TGDS: variants seen among roughly 807,000 people sequenced by gnomAD.
TGDS encodes the protein UDP-D-glucose 4,6-dehydratase.
TGDS carries 47 observed loss-of-function variants against 52.3 expected under a neutral mutation model. The observed-to-expected ratio is 0.90, with a 90% confidence interval of 0.71 to 1.15. TGDS has a LOEUF of 1.15. TGDS is among the 50% of genes most tolerant of loss of function. The probability of loss-of-function intolerance (pLI) is 0.00; values close to 1 mark genes in which losing one functional copy is unlikely to be tolerated. For missense variants in TGDS, 375 were observed against 418.4 expected (o/e 0.90, Z 0.90); for synonymous variants, 115 against 136.9 (o/e 0.84, Z 1.12).
At chr13:94,592,340 A>G (rs753650875) in intron 2 of TGDS, 31 bp from the exon 3 acceptor site, 1 of 1,533,436 alleles carries the variant, frequency 6.5e-7, no homozygotes. Context: ...AAGGGGCAAC[A>G]CAAAAAGTGA....
chr13:94,574,063 ATTT>A lies in TGDS; in HGVS notation c.*716_*718del, dbSNP rs891276192. 6.6e-6 allele frequency: 1 copy of A among 151,724 alleles called. No individual in the cohort carries two copies. The highest frequency in any genetic ancestry group is 1.5e-5 in the Non-Finnish European group (1 of 67,886). 9.4% of individuals were successfully genotyped at this position (151,724 alleles called of 1,614,324 possible). Reference sequence around the variant, plus strand: ...AGAAGGATTAAAAATATATAATCAAATTTTTTTTTATTTTTCTACAGCAAAATA... The same window carrying A: ...AGAAGGATTAAAAATATATAATCAAATTTTTTATTTTTCTACAGCAAAATA... On this transcript the variant is annotated 3_prime_UTR_variant, in exon 12 of 12. Coordinates refer to ENST00000261296, the MANE Select transcript of TGDS (RefSeq NM_014305.4).
At chr13:94,583,461 T>C (rs754763282) in intron 4 of TGDS, among the ~76,000 whole-genome samples, 6 of 152,224 alleles carry the variant, frequency 3.9e-5, no homozygotes, top group Non-Finnish European at 7.3e-5. Flanking sequence ...ATGTTAAATT[T>C]GCAGGAAAGT....
intron 1 of TGDS, 133 bp downstream of exon 1, chr13:94,595,918 G>C: frequency 3.1e-6 from 3 of 958,922 alleles, no homozygotes; most frequent in Non-Finnish European, 4.9e-6. Context: ...TCCAGGTCGT[G>C]CATTAGGACC....
At chr13:94,583,465 G>A (rs1594446340) in intron 4 of TGDS, among the ~76,000 whole-genome samples, 1 of 151,894 alleles carries the variant, frequency 6.6e-6, no homozygotes. Context: ...TAAATTTGCA[G>A]GAAAGTTTTT....
rs1889182532 is a variant in TGDS at position 94,591,000 on chromosome 13, A to T, written c.223-57T>A. 3.9e-6 allele frequency: 5 copies of T among 1,288,876 alleles called. No homozygotes were observed. In the South Asian group the frequency reaches 7.1e-5, roughly 18 times the overall value. 79.8% of individuals were successfully genotyped at this position (1,288,876 alleles called of 1,614,324 possible). ...GGTTTCATACAGCACTCTCATTCATAACCATTTTTACTATAGCATCCCCCT... is the reference window on the plus strand; with the variant it reads ...GGTTTCATACAGCACTCTCATTCATTACCATTTTTACTATAGCATCCCCCT... On this transcript the variant is annotated intron_variant, in intron 3 of 11. Coordinates refer to ENST00000261296, the MANE Select transcript of TGDS (RefSeq NM_014305.4).
chr13:94,583,263 A>C (rs1175670364), intron 4 of TGDS, 27 bp from the exon 5 acceptor site: 5 of 1,606,928 alleles, frequency 3.1e-6, no homozygotes, highest in Non-Finnish European at 3.4e-6. Context: ...AAAAGCTAAA[A>C]CAAGTCTACC....
chr13:94,594,503 A>C (rs1201073779), intron 1 of TGDS, among the ~76,000 whole-genome samples: 1 of 152,110 alleles, frequency 6.6e-6, no homozygotes, highest in African/African-American at 2.4e-5. Context: ...GCTTCAGAGG[A>C]CCCTAAAGGG....
intron 8 of TGDS, 90 bp downstream of exon 8, chr13:94,578,639 GC>G: frequency 8.5e-6 from 8 of 936,066 alleles, no homozygotes; most frequent in Non-Finnish European, 1.3e-5. Context: ...CAATTCTATG[GC>G]CTTTAAGACT....
intron 4 of TGDS, among the ~76,000 whole-genome samples, chr13:94,588,421 CAAAAAAAAAAAAAAAAA>C (rs150186125): frequency 6.8e-5 from 4 of 58,494 alleles, no homozygotes; most frequent in Non-Finnish European, 8.8e-5. Context: ...GACTCTGTCT[CAAAAAAAAAAAAAAAAA>C]AAAAAAAAAA....
chr13:94,574,654 A>T lies in TGDS; in HGVS notation c.*128T>A. 1.7e-6 allele frequency: 1 copy of T among 591,206 alleles called. No homozygotes were observed. Among genetic ancestry groups the T allele is most frequent in the South Asian group, 2.4e-5 (1 of 42,550 alleles). 36.6% of individuals were successfully genotyped at this position (591,206 alleles called of 1,614,324 possible). ...TTGAGGCATTCTGCATTTGAATTTTATACAGAAAGTCATGAATCTAATTCC... is the reference window on the plus strand; with the variant it reads ...TTGAGGCATTCTGCATTTGAATTTTTTACAGAAAGTCATGAATCTAATTCC... On this transcript the variant is annotated 3_prime_UTR_variant, in exon 12 of 12. Coordinates refer to ENST00000261296, the MANE Select transcript of TGDS (RefSeq NM_014305.4).
chr13:94,576,226 C>T, intron 11 of TGDS, 88 bp downstream of exon 11: 1 of 821,698 alleles, frequency 1.2e-6, no homozygotes, highest in Non-Finnish European at 1.8e-6. Flanking sequence ...ACACAATATT[C>T]CACTGGTTTG....
intron 4 of TGDS, among the ~76,000 whole-genome samples, chr13:94,589,610 G>A (rs996348765): frequency 2.0e-5 from 3 of 152,010 alleles, no homozygotes; most frequent in Non-Finnish European, 2.9e-5. Flanking sequence ...CACCGCTCCC[G>A]GCCAAAATGG....
At chr13:94,595,964 AC>A in intron 1 of TGDS, 86 bp downstream of exon 1, 1 of 1,513,982 alleles carries the variant, frequency 6.6e-7, no homozygotes. Context: ...TCAAAGCTGG[AC>A]CCAAATTACC....
intron 9 of TGDS, 143 bp from the exon 10 acceptor site, chr13:94,577,572 T>C (rs1888643647): frequency 1.6e-6 from 1 of 621,604 alleles, no homozygotes; most frequent in Admixed American, 3.3e-5. Context: ...AGTAACACTT[T>C]CTATACTTTA....
At chr13:94,580,170 T>C (rs778028173) in intron 6 of TGDS, among the ~76,000 whole-genome samples, 1 of 152,196 alleles carries the variant, frequency 6.6e-6, no homozygotes, top group African/African-American at 2.4e-5. Context: ...AAGAGGAATA[T>C]TCTTTTATTA....
In TGDS at chr13:94,583,124, T is replaced by C. The variant is rs1357742412; in HGVS notation, c.426A>G (p.Thr142=). 1 of 1,613,910 alleles carries C rather than the reference T, an allele frequency of 6.2e-7. No homozygotes were observed. The highest frequency in any genetic ancestry group is 8.5e-7 in the Non-Finnish European group (1 of 1,179,910). The change falls in exon 5 of 12, where the codon ACA becomes ACG. Residue 142 remains threonine (T), a synonymous_variant. Coordinates refer to ENST00000261296, the MANE Select transcript of TGDS (RefSeq NM_014305.4). ...ARVEKFIYVS[T]DEVYGGSLDK... ...CAAGACTGCCACCATATACTTCATC[T>C]GTGCTGACATAAATAAACTTCTCCA...
At chr13:94,590,808 G>A in intron 4 of TGDS, 45 bp downstream of exon 4, 1 of 1,448,398 alleles carries the variant, frequency 6.9e-7, no homozygotes, top group Non-Finnish European at 9.3e-7. Context: ...GGCGAGGGCG[G>A]GGAGAGAACT....
intron 5 of TGDS, 142 bp downstream of exon 5, chr13:94,582,952 G>A (rs1166401909): frequency 2.7e-6 from 2 of 735,876 alleles, no homozygotes; most frequent in Non-Finnish European, 4.3e-6. Flanking sequence ...TATTAGTTGT[G>A]TCCCTCTAGA....
intron 4 of TGDS, among the ~76,000 whole-genome samples, chr13:94,586,601 GT>G (rs1184650940): frequency 6.6e-5 from 10 of 152,102 alleles, no homozygotes; most frequent in Non-Finnish European, 1.3e-4. Flanking sequence ...CAAAAAGCAA[GT>G]CGTAGCATAA....
Sources: gnomAD v4.1 joint callset for allele counts (sites outside exome capture counted in the v4.1 genomes callset) on GRCh38, gnomAD v4.1.1 for gene constraint, MANE v1.5 for transcripts, NCBI Gene and HGNC (gene_info 2026-07-23, HGNC 2026-07-21) for gene names.